Variants in TATDN3 observed in about 807,000 individuals in gnomAD.
The protein encoded by TATDN3 is TatD DNase domain containing 3.
A neutral mutation model predicts 40.1 loss-of-function variants in TATDN3; 29 were observed. The ratio of observed to expected loss-of-function variants is 0.72; its 90% CI spans 0.54 to 0.99. The LOEUF is 0.99. TATDN3 is among the 50% of genes least tolerant of loss of function. The probability of loss-of-function intolerance (pLI) is 0.00; values close to 1 mark genes in which losing one functional copy is unlikely to be tolerated. For missense variants in TATDN3, 309 were observed against 321.9 expected, an observed-to-expected ratio of 0.96 and a Z score of 0.31; for synonymous variants, 105 against 117.0, an observed-to-expected ratio of 0.90 and a Z score of 0.66.
rs752352931 is a variant in TATDN3 at position 212,802,686 on chromosome 1, C to T, written c.259-15C>T. The T allele has an allele frequency of 6.3e-7, 1 of 1,597,334 alleles. No homozygotes were observed. Among genetic ancestry groups the T allele is most frequent in the South Asian group, 1.1e-5 (1 of 90,752 alleles). On this transcript the variant is annotated splice_polypyrimidine_tract_variant and intron_variant, in intron 4 of 9. Transcript: ENST00000366974. The stretch of plus-strand genomic sequence containing the variant: ...CCTTTCTTCCATTTTAACAATTTTA[C>T]TTTTTTTCTCCCAGGATTTGGATGT...
chr1:212,809,550 G>C (rs141894360), intron 8 of TATDN3, among the ~76,000 whole-genome samples: 2,241 of 152,238 alleles, frequency 0.015, 57 homozygotes, highest in African/African-American at 0.052. Context: ...CAGGCATGGT[G>C]GTGGGCGCCT....
At chr1:212,800,072 G>A (rs576970885) in intron 4 of TATDN3, among the ~76,000 whole-genome samples, 1 of 152,314 alleles carries the variant, frequency 6.6e-6, no homozygotes, top group African/African-American at 2.4e-5. Context: ...AGCTAGGTAT[G>A]TAGTAAGTAT....
chr1:212,802,588 T>C, intron 4 of TATDN3, 113 bp from the exon 5 acceptor site: 1 of 719,408 alleles, frequency 1.4e-6, no homozygotes, highest in Non-Finnish European at 2.5e-6. Context: ...ACTGCTTAAA[T>C]GGATTAAATG....
In TATDN3 at chr1:212,791,950, A is replaced by G. The variant is rs146856249; in HGVS notation, c.29A>G (p.Asp10Gly). Residue 10 changes from aspartate (D) to glycine (G), a missense_variant, in exon 1 of 10, where the codon GAC becomes GGC. Physicochemically the swap from Asp to Gly is moderately conservative, Grantham distance 94. Transcript: ENST00000366974. ...CGAGCGGCTGGCGTAGGCTTGGTGG[A>G]CTGTCACTGCCACCTCTCCGCCCCG... MRAAGVGLV[D>G]CHCHLSAPDF... 1 of 1,613,654 alleles carries G rather than the reference A, an allele frequency of 6.2e-7. No homozygotes were observed. The highest frequency in any genetic ancestry group is 1.3e-5 in the African/African-American group (1 of 74,902).
intron 5 of TATDN3, among the ~76,000 whole-genome samples, chr1:212,804,057 G>A (rs957456400): frequency 1.3e-5 from 2 of 151,416 alleles, no homozygotes; most frequent in African/African-American, 4.8e-5. Flanking sequence ...CAAAAAAAAA[G>A]GAATATAAAA....
intron 4 of TATDN3, 187 bp downstream of exon 4, chr1:212,797,383 G>A: frequency 1.8e-6 from 1 of 560,748 alleles, no homozygotes; most frequent in Non-Finnish European, 3.2e-6. Context: ...ACAGCCTAGA[G>A]GTTCAGAAAC....
chr1:212,814,445 A>G (rs750671311), intron 9 of TATDN3, among the ~76,000 whole-genome samples: 3 of 152,218 alleles, frequency 2.0e-5, no homozygotes, highest in Non-Finnish European at 4.4e-5. Flanking sequence ...CCATTGTTTT[A>G]TGACCATTAA....
At chr1:212,792,632 CAAA>C (rs752952752) in intron 1 of TATDN3, among the ~76,000 whole-genome samples, 11 of 75,086 alleles carry the variant, frequency 1.5e-4, no homozygotes, top group Non-Finnish European at 1.5e-4. Context: ...GACCCTGTCT[CAAA>C]AAAAAAAAAA....
At chr1:212,810,164 G>A (rs1282643736) in intron 8 of TATDN3, among the ~76,000 whole-genome samples, 1 of 151,972 alleles carries the variant, frequency 6.6e-6, no homozygotes, top group African/African-American at 2.4e-5. Flanking sequence ...AAGAATTTGA[G>A]AACAGCCTAG....
intron 9 of TATDN3, among the ~76,000 whole-genome samples, chr1:212,813,001 C>G (rs1224063757): frequency 6.6e-6 from 1 of 151,440 alleles, no homozygotes; most frequent in Non-Finnish European, 1.5e-5. Context: ...GAGCAAAACT[C>G]CATCTCAAAA....
chr1:212,796,500 C>CTT lies in TATDN3; in HGVS notation c.100-5_100-4dup, dbSNP rs11421046. 31,663 of 1,299,276 alleles carry CTT rather than the reference C, an allele frequency of 0.024. No homozygotes were observed. Among genetic ancestry groups the CTT allele is most frequent in the Non-Finnish European group, 0.027 (26,339 of 976,308 alleles). The allele number at this position is 1,299,276 out of a possible 1,614,324, so 80.5% of individuals were successfully genotyped here. On this transcript the variant is annotated splice_polypyrimidine_tract_variant and intron_variant, in intron 2 of 9. Transcript: ENST00000366974. ...AATGTATATTGTTTGTAACTTTATT[C>CTT]TTTTTTTTTTTTTCAGGCCAATGTT... is the stretch of plus-strand genomic sequence containing the variant.
intron 7 of TATDN3, among the ~76,000 whole-genome samples, chr1:212,807,017 C>G (rs776775258): frequency 1.2e-3 from 186 of 150,784 alleles, no homozygotes; most frequent in Non-Finnish European, 1.9e-3. Flanking sequence ...AATCTTGGCT[C>G]ACTGCAACCT....
intron 4 of TATDN3, 103 bp from the exon 5 acceptor site, chr1:212,802,598 G>A: frequency 5.2e-6 from 4 of 767,574 alleles, no homozygotes; most frequent in Middle Eastern, 2.3e-4. Context: ...TGGATTAAAT[G>A]TATGTAAAGC....
intron 8 of TATDN3, among the ~76,000 whole-genome samples, chr1:212,808,312 C>CAA (rs34100841): frequency 5.7e-4 from 64 of 111,338 alleles, no homozygotes; most frequent in Non-Finnish European, 8.2e-4. Flanking sequence ...AACTCCATCT[C>CAA]AAAAAAAAAA....
At chr1:212,797,308 G>A in intron 4 of TATDN3, 112 bp downstream of exon 4, 2 of 784,322 alleles carry the variant, frequency 2.5e-6, no homozygotes, top group Non-Finnish European at 4.1e-6. Context: ...CCAAAAGAAG[G>A]AAACATTACC....
chr1:212,811,002 A>C (rs1442661156), intron 8 of TATDN3, among the ~76,000 whole-genome samples: 1 of 152,056 alleles, frequency 6.6e-6, no homozygotes, highest in Non-Finnish European at 1.5e-5. Context: ...TGTTTTTTTG[A>C]AGCAGAGTCT....
chr1:212,804,643 A>C lies in TATDN3; in HGVS notation c.479A>C (p.Gln160Pro). 1.9e-6 allele frequency: 3 copies of C among 1,613,258 alleles called. No homozygotes were observed. The highest frequency in any genetic ancestry group is 2.5e-6 in the Non-Finnish European group (3 of 1,179,648). ...SAGRPTINLL[Q>P]EQGAEKVLLH... Reference sequence around the variant, plus strand: ...GGAAGACCTACCATCAACCTTTTACAAGAGCAAGGTATTTCGTTTCCTGAG... The same window carrying C: ...GGAAGACCTACCATCAACCTTTTACCAGAGCAAGGTATTTCGTTTCCTGAG... Residue 160 changes from glutamine to proline, a missense_variant, in exon 7 of 10, where the codon CAA becomes CCA. Physicochemically the swap from Gln to Pro is moderately conservative, Grantham distance 76. Coordinates refer to ENST00000366974, the MANE Select transcript of TATDN3 (RefSeq NM_001042552.3).
Position 212,815,168 on chromosome 1 carries a change from T to G in TATDN3, c.*12T>G. On this transcript the variant is annotated 3_prime_UTR_variant, in exon 10 of 10. Transcript: ENST00000366974. Reference sequence around the variant, plus strand: ...TGCTCCAGAAATAGCTTCAAAACCATCCATTACAAAATCGAATCAACTGCA... The same window carrying G: ...TGCTCCAGAAATAGCTTCAAAACCAGCCATTACAAAATCGAATCAACTGCA... The G allele has an allele frequency of 6.2e-7, 1 of 1,600,958 alleles. No individual in the cohort carries two copies. Among genetic ancestry groups the G allele is most frequent in the Non-Finnish European group, 8.5e-7 (1 of 1,176,016 alleles).
intron 3 of TATDN3, 164 bp from the exon 4 acceptor site, chr1:212,796,948 C>G: frequency 3.6e-6 from 2 of 558,268 alleles, no homozygotes; most frequent in Non-Finnish European, 6.4e-6. Context: ...GTTGGCCAGG[C>G]TGGTCTCAAA....
Sources: gnomAD v4.1 joint callset for allele counts (sites outside exome capture counted in the v4.1 genomes callset) on GRCh38, gnomAD v4.1.1 for gene constraint, MANE v1.5 for transcripts, NCBI Gene and HGNC (gene_info 2026-07-23, HGNC 2026-07-21) for gene names.